Variants in ITGAV observed in about 807,000 individuals in gnomAD.
ITGAV encodes the protein integrin alpha-V.
A neutral mutation model predicts 143.8 loss-of-function variants in ITGAV; 76 were observed. The ratio of observed to expected loss-of-function variants is 0.53; its 90% CI spans 0.44 to 0.64. The LOEUF is 0.64. Among genes scored for constraint, ITGAV ranks in the 30% least tolerant of loss-of-function variants. ITGAV has a pLI of 0.00. For missense variants in ITGAV, 1,193 were observed against 1,274.7 expected (o/e 0.94, Z 0.98); for synonymous variants, 453 against 446.7 (o/e 1.01, Z -0.18).
chr2:186,652,662 C>A (rs1355593957), intron 15 of ITGAV, among the ~76,000 whole-genome samples: 1 of 152,082 alleles, frequency 6.6e-6, no homozygotes, highest in Non-Finnish European at 1.5e-5. Context: ...GATCTCAGTT[C>A]ATTTATATGT....
chr2:186,661,152 T>A (rs948952172), intron 18 of ITGAV, among the ~76,000 whole-genome samples: 4 of 152,182 alleles, frequency 2.6e-5, no homozygotes, highest in African/African-American at 9.7e-5. Flanking sequence ...TATTTTGCAT[T>A]CTGTTTTTTA....
intron 15 of ITGAV, among the ~76,000 whole-genome samples, chr2:186,653,233 G>C (rs957828180): frequency 6.6e-6 from 1 of 151,986 alleles, no homozygotes; most frequent in Admixed American, 6.6e-5. Context: ...ATTTTTTTAA[G>C]TTGTCTCGTG....
At chr2:186,622,701 C>G (rs1238709000) in intron 3 of ITGAV, among the ~76,000 whole-genome samples, 1 of 152,142 alleles carries the variant, frequency 6.6e-6, no homozygotes, top group Non-Finnish European at 1.5e-5. Context: ...TCCACCTAGC[C>G]AAGTATAGGA....
At chr2:186,601,367 A>G (rs1209895691) in intron 1 of ITGAV, among the ~76,000 whole-genome samples, 2 of 151,992 alleles carry the variant, frequency 1.3e-5, no homozygotes, top group East Asian at 3.9e-4. Context: ...AGGCTGAGGT[A>G]GGAGGATCGC....
At position 186,664,606 on chromosome 2, in the gene ITGAV, C is replaced by T. The variant is rs754712481; in HGVS notation, c.2038C>T (p.Gln680Ter). The change falls in exon 20 of 30, where the codon CAG becomes TAG. Residue 680 changes from glutamine (Q) to a stop codon, truncating the protein, a stop_gained. Coordinates refer to ENST00000261023, the MANE Select transcript of ITGAV (RefSeq NM_002210.5). LOFTEE classifies it high-confidence loss of function. Reference protein sequence around the residue: ...EAELIVSIPLQADFIGVVRNN... With the variant: ...EAELIVSIPL ...TGAGCTCATCGTTTCCATTCCACTGCAGGCTGATTTCATCGGGGTTGTCCG... is the reference window on the plus strand; with the variant it reads ...TGAGCTCATCGTTTCCATTCCACTGTAGGCTGATTTCATCGGGGTTGTCCG... 6.2e-7 allele frequency: 1 copy of T among 1,613,970 alleles called. No individual in the cohort carries two copies. Among genetic ancestry groups the T allele is most frequent in the Non-Finnish European group, 8.5e-7 (1 of 1,179,970 alleles).
chr2:186,663,306 A>G (rs1303674107), intron 18 of ITGAV, among the ~76,000 whole-genome samples: 1 of 151,954 alleles, frequency 6.6e-6, no homozygotes, highest in African/African-American at 2.4e-5. Flanking sequence ...ACAGCTCCTT[A>G]TTCTTTTATC....
At position 186,675,653 on chromosome 2, in the gene ITGAV, T is replaced by G. The variant is rs773459483; in HGVS notation, c.2756T>G (p.Leu919Ter). The change falls in exon 27 of 30, where the codon TTA becomes TGA. Residue 919 changes from leucine (L) to a stop codon, truncating the protein, a stop_gained. Transcript: ENST00000261023. LOFTEE classifies it high-confidence loss of function. ...CLKIVCQVGR[L>*]DRGKSAILYV... ...AAGATTGTCTGCCAAGTTGGGAGAT[T>G]AGACAGAGGAAAGAGTGCAATCTTG... The G allele has an allele frequency of 1.9e-6, 3 of 1,614,136 alleles. No individual in the cohort carries two copies. Among genetic ancestry groups the G allele is most frequent in the Non-Finnish European group, 1.7e-6 (2 of 1,179,982 alleles).
intron 13 of ITGAV, among the ~76,000 whole-genome samples, chr2:186,648,554 G>A (rs7575516): frequency 0.23 from 35,140 of 151,954 alleles, 4,721 homozygotes; most frequent in South Asian, 0.35. Context: ...AAACTTCACC[G>A]CCCGGGTTCA....
chr2:186,658,709 A>G (rs1172379554), intron 17 of ITGAV, among the ~76,000 whole-genome samples: 1 of 152,062 alleles, frequency 6.6e-6, no homozygotes, highest in Non-Finnish European at 1.5e-5. Context: ...GGAGGAAGAG[A>G]AAGAAGTATT....
chr2:186,662,179 A>G (rs1465639259), intron 18 of ITGAV, among the ~76,000 whole-genome samples: 1 of 152,188 alleles, frequency 6.6e-6, no homozygotes. Context: ...AATGTTATAC[A>G]TACCTTATCA....
At chr2:186,626,351 G>A (rs1043404510) in intron 4 of ITGAV, among the ~76,000 whole-genome samples, 4 of 152,048 alleles carry the variant, frequency 2.6e-5, no homozygotes, top group Non-Finnish European at 4.4e-5. Context: ...TTTGTGCCCC[G>A]CTACCCTTTG....
intron 26 of ITGAV, among the ~76,000 whole-genome samples, chr2:186,671,178 G>A (rs1689051364): frequency 6.6e-6 from 1 of 152,060 alleles, no homozygotes; most frequent in African/African-American, 2.4e-5. Context: ...TACTTTGTAT[G>A]CTATAGAAGC....
chr2:186,600,192 CAGCCATACCTTTCTTTGT>C (rs2105652531), intron 1 of ITGAV: 1 of 721,216 alleles, frequency 1.4e-6, no homozygotes, highest in African/African-American at 1.8e-5. Context: ...TCCCCTCCTT[CAGCCATACCTTTCTTTGT>C]AGCTCCTGGA....
At chr2:186,630,204 G>C (rs1441509637) in intron 4 of ITGAV, among the ~76,000 whole-genome samples, 3 of 151,930 alleles carry the variant, frequency 2.0e-5, no homozygotes, top group Non-Finnish European at 4.4e-5. Flanking sequence ...GTATCTGTTT[G>C]CTGCTATTCA....
intron 4 of ITGAV, among the ~76,000 whole-genome samples, chr2:186,627,042 C>G (rs377131815): frequency 6.6e-6 from 1 of 152,148 alleles, no homozygotes; most frequent in South Asian, 2.1e-4. Flanking sequence ...TACACACACA[C>G]GCAGTACACT....
intron 2 of ITGAV, among the ~76,000 whole-genome samples, chr2:186,611,409 A>G (rs751977286): frequency 6.6e-6 from 1 of 152,054 alleles, no homozygotes; most frequent in African/African-American, 2.4e-5. Flanking sequence ...TTTAAAAAAG[A>G]GAGTTGGGGT....
chr2:186,590,558 C>T (rs532545903), intron 1 of ITGAV, 35 bp downstream of exon 1: 3 of 1,571,654 alleles, frequency 1.9e-6, no homozygotes, highest in Admixed American at 1.8e-5. Context: ...AGCCGGCCCC[C>T]TCCCCCACCG....
At chr2:186,663,288 G>A (rs774089866) in intron 18 of ITGAV, among the ~76,000 whole-genome samples, 5 of 152,088 alleles carry the variant, frequency 3.3e-5, no homozygotes, top group Admixed American at 6.5e-5. Flanking sequence ...AATTGCTGCT[G>A]AATATCTACA....
At chr2:186,640,630 A>C (rs552075610) in intron 10 of ITGAV, among the ~76,000 whole-genome samples, 1 of 152,272 alleles carries the variant, frequency 6.6e-6, no homozygotes, top group Non-Finnish European at 1.5e-5. Context: ...AGGAGAATTG[A>C]TAGTCCTTAG....
Sources: gnomAD v4.1 joint callset for allele counts (sites outside exome capture counted in the v4.1 genomes callset) on GRCh38, gnomAD v4.1.1 for gene constraint, MANE v1.5 for transcripts, NCBI Gene and HGNC (gene_info 2026-07-23, HGNC 2026-07-21) for gene names.